IMMP2L: variants seen among roughly 807,000 people sequenced by gnomAD.
IMMP2L encodes the protein inner mitochondrial membrane peptidase subunit 2.
In IMMP2L, 18 loss-of-function variants were observed where a neutral mutation model predicts 19.3. That is an observed-to-expected ratio of 0.93 (90% CI 0.64 to 1.38). The LOEUF (loss-of-function observed/expected upper bound fraction) is 1.38, where lower values mean the gene tolerates loss of function less well. Ranked by LOEUF, IMMP2L falls within the 40% of genes most tolerant of loss-of-function variation. IMMP2L has a pLI of 0.00. For synonymous variants in IMMP2L, 76 were observed against 73.0 expected (o/e 1.04, Z -0.21); for missense variants, 233 against 218.2 (o/e 1.07, Z -0.43).
chr7:111,131,021 A>G (rs1313046080), intron 3 of IMMP2L, among the ~76,000 whole-genome samples: 1 of 152,068 alleles, frequency 6.6e-6, no homozygotes, highest in Admixed American at 6.6e-5. Context: ...GATTTTAAAA[A>G]AAATTACATA....
At chr7:111,497,617 C>CT (rs1399965301) in intron 2 of IMMP2L, among the ~76,000 whole-genome samples, 1 of 151,938 alleles carries the variant, frequency 6.6e-6, no homozygotes, top group Non-Finnish European at 1.5e-5. Flanking sequence ...AGGGAAAAAC[C>CT]TTAAAAGAAT....
intron 3 of IMMP2L, among the ~76,000 whole-genome samples, chr7:111,036,897 T>A (rs1791410467): frequency 1.3e-5 from 2 of 152,260 alleles, no homozygotes; most frequent in Admixed American, 1.3e-4. Flanking sequence ...AATCACCATG[T>A]GGGTTTTGCA....
At chr7:111,364,948 C>T (rs574090743) in intron 3 of IMMP2L, among the ~76,000 whole-genome samples, 15 of 148,806 alleles carry the variant, frequency 1.0e-4, no homozygotes, top group East Asian at 9.8e-4. Flanking sequence ...CCAACCTGGG[C>T]GACAGAGTGA....
At chr7:111,461,990 G>A (rs1320476875) in intron 3 of IMMP2L, among the ~76,000 whole-genome samples, 1 of 151,716 alleles carries the variant, frequency 6.6e-6, no homozygotes, top group Non-Finnish European at 1.5e-5. Flanking sequence ...ACACACACGT[G>A]CACAAACACA....
At chr7:111,416,150 A>G (rs1255677060) in intron 3 of IMMP2L, among the ~76,000 whole-genome samples, 4 of 151,882 alleles carry the variant, frequency 2.6e-5, no homozygotes, top group African/African-American at 9.7e-5. Context: ...TAAAATCAAC[A>G]GCACATAAAC....
chr7:111,094,918 A>G (rs1037294823), intron 3 of IMMP2L, among the ~76,000 whole-genome samples: 3 of 152,086 alleles, frequency 2.0e-5, no homozygotes, highest in African/African-American at 4.8e-5. Flanking sequence ...AATAGATGCT[A>G]TTTAGAGGTC....
intron 4 of IMMP2L, among the ~76,000 whole-genome samples, chr7:110,910,096 G>A (rs1445549409): frequency 1.3e-5 from 2 of 152,138 alleles, no homozygotes; most frequent in East Asian, 3.8e-4. Flanking sequence ...GGCCATTTCA[G>A]AGTAAGCAAA....
rs1554498174 is a variant in IMMP2L at position 111,436,539 on chromosome 7, A to ACC, written c.239+50697_239+50698dup. On this transcript the variant is annotated intron_variant, in intron 3 of 5. Coordinates refer to ENST00000405709, the MANE Select transcript of IMMP2L (RefSeq NM_032549.4). ...CACACACATACACACACACACACAC[A>ACC]CCCCACACATATATGAATACTTTTT... is the stretch of plus-strand genomic sequence containing the variant. Among the ~76,000 whole-genome samples, 883 of 151,462 alleles carry ACC rather than the reference A, an allele frequency of 5.8e-3. 25 individuals carry two copies. The highest frequency in any genetic ancestry group is 0.019 in the African/African-American group (770 of 41,072).
chr7:111,444,079 T>G (rs561329777), intron 3 of IMMP2L, among the ~76,000 whole-genome samples: 1 of 152,288 alleles, frequency 6.6e-6, no homozygotes, highest in South Asian at 2.1e-4. Flanking sequence ...GTGTTTCTAT[T>G]TTTAAAAAAT....
Position 110,924,928 on chromosome 7 carries a change from GAT to G in IMMP2L, c.306-38235_306-38234del, listed in dbSNP as rs780761807. On this transcript the variant is annotated intron_variant, in intron 4 of 5. Coordinates refer to ENST00000405709, the MANE Select transcript of IMMP2L (RefSeq NM_032549.4). The surrounding 1 kb of genome is among the most constrained non-coding windows in gnomAD (Gnocchi z 4.2). Reference sequence around the variant, plus strand: ...AAAGGTTATTTTCTGTTAAGAGAAAGATAACAAAAGGAGCTATTAAAAACTTT... The same window carrying G: ...AAAGGTTATTTTCTGTTAAGAGAAAGAACAAAAGGAGCTATTAAAAACTTT... Among the ~76,000 whole-genome samples, 2 of 152,120 alleles carry G rather than the reference GAT, an allele frequency of 1.3e-5. No individual in the cohort carries two copies. The highest frequency in any genetic ancestry group is 4.8e-5 in the African/African-American group (2 of 41,434).
intron 3 of IMMP2L, among the ~76,000 whole-genome samples, chr7:111,382,663 C>T (rs540336879): frequency 6.6e-6 from 1 of 151,850 alleles, no homozygotes; most frequent in Non-Finnish European, 1.5e-5. Context: ...ATTAAAGGGG[C>T]AAGAAATGGA....
intron 1 of IMMP2L, among the ~76,000 whole-genome samples, chr7:111,539,196 G>GAGAAAGAA (rs56749626): frequency 3.3e-4 from 10 of 30,058 alleles, no homozygotes; most frequent in South Asian, 1.3e-3. Flanking sequence ...AGGAAGGAGG[G>GAGAAAGAA]AGAAAGAAAG....
At chr7:110,737,617 C>A (rs1796724503) in intron 5 of IMMP2L, among the ~76,000 whole-genome samples, 1 of 152,126 alleles carries the variant, frequency 6.6e-6, no homozygotes, top group African/African-American at 2.4e-5. Context: ...GGTCATAATC[C>A]CTTGGGAACT....
chr7:111,000,039 C>T (rs2129561120), intron 3 of IMMP2L, among the ~76,000 whole-genome samples: 1 of 152,236 alleles, frequency 6.6e-6, no homozygotes, highest in East Asian at 1.9e-4. Flanking sequence ...CAAGTGGATC[C>T]ATTCTGATTT....
intron 5 of IMMP2L, among the ~76,000 whole-genome samples, chr7:110,683,748 T>G (rs1792906153): frequency 6.6e-6 from 1 of 152,154 alleles, no homozygotes; most frequent in South Asian, 2.1e-4. Context: ...CCTGAATATA[T>G]AGACTTCATT....
At chr7:111,184,755 T>C (rs1214582178) in intron 3 of IMMP2L, among the ~76,000 whole-genome samples, 2 of 117,988 alleles carry the variant, frequency 1.7e-5, no homozygotes, top group African/African-American at 2.9e-5. Flanking sequence ...GAACTACCCA[T>C]AGATGTTTAA....
chr7:110,982,231 C>T (rs1259632004), intron 3 of IMMP2L, among the ~76,000 whole-genome samples: 1 of 152,090 alleles, frequency 6.6e-6, no homozygotes, highest in African/African-American at 2.4e-5. Context: ...TGCTGTCCTC[C>T]AAAAGCTAGA....
At chr7:111,321,839 C>T (rs1441156545) in intron 3 of IMMP2L, among the ~76,000 whole-genome samples, 1 of 151,902 alleles carries the variant, frequency 6.6e-6, no homozygotes, top group African/African-American at 2.4e-5. Context: ...TAGAAAAGTT[C>T]AGCATGTCTT....
At chr7:111,512,307 A>C (rs191248975) in intron 2 of IMMP2L, among the ~76,000 whole-genome samples, 33 of 152,234 alleles carry the variant, frequency 2.2e-4, no homozygotes, top group Non-Finnish European at 4.0e-4. Context: ...TATTTACAGG[A>C]AAGGTTCAGA....
Sources: allele counts gnomAD v4.1 joint callset (sites outside exome capture counted in the v4.1 genomes callset), GRCh38; gene constraint gnomAD v4.1.1; non-coding constraint Gnocchi (gnomAD v3.1); transcripts MANE v1.5; gene names NCBI Gene and HGNC (gene_info 2026-07-23, HGNC 2026-07-21).